The following UBA3 variants were observed in gnomAD, a reference collection of about 807,000 sequenced individuals.
UBA3 encodes the protein ubiquitin like modifier activating enzyme 3.
UBA3 carries 26 observed loss-of-function variants against 73.5 expected under a neutral mutation model. That is an observed-to-expected ratio of 0.35 (90% CI 0.26 to 0.49). The LOEUF (loss-of-function observed/expected upper bound fraction) is 0.49. Among genes scored for constraint, UBA3 ranks in the 20% least tolerant of loss-of-function variants. The pLI, the probability that UBA3 is intolerant of heterozygous loss-of-function variation, is 0.98. For missense variants in UBA3, 495 were observed against 555.6 expected (o/e 0.89, Z 1.10); for synonymous variants, 217 against 191.2 (o/e 1.13, Z -1.11).
Position 69,071,166 on chromosome 3 carries a change from A to G in UBA3, c.347+369T>C, listed in dbSNP as rs140942542. The G allele has an allele frequency of 1.7e-3, 273 of 161,578 alleles. 1 individual carries two copies. Among genetic ancestry groups the G allele is most frequent in the South Asian group, 3.4e-3 (20 of 5,922 alleles). 10.0% of individuals were successfully genotyped at this position (161,578 alleles called of 1,614,324 possible). A position where few individuals can be genotyped will look rare whatever the true frequency, so the allele number is the denominator to read the frequency against. ...AACCTTGGCTCACAAATCCCTGCCA[A>G]TCTCTCACTAGGGCCTAATACTCCA... On this transcript the variant is annotated intron_variant, in intron 5 of 17. Coordinates refer to ENST00000361055, the MANE Select transcript of UBA3 (RefSeq NM_003968.4).
chr3:69,065,976 A>G (rs1050659834), intron 6 of UBA3, among the ~76,000 whole-genome samples: 1 of 150,976 alleles, frequency 6.6e-6, no homozygotes, highest in African/African-American at 2.4e-5. Flanking sequence ...TTTACTGTTG[A>G]GTTTTTAGAG....
intron 11 of UBA3, among the ~76,000 whole-genome samples, chr3:69,058,158 C>A (rs1317474145): frequency 1.3e-5 from 2 of 152,100 alleles, no homozygotes; most frequent in South Asian, 4.1e-4. Flanking sequence ...TCTCGATATC[C>A]TGACCTTGTG....
At chr3:69,066,046 T>TAAA (rs2092068579) in intron 6 of UBA3, among the ~76,000 whole-genome samples, 1 of 152,200 alleles carries the variant, frequency 6.6e-6, no homozygotes, top group Admixed American at 6.5e-5. Context: ...TTTTCTCCAG[T>TAAA]CTGTGGCTTT....
chr3:69,079,468 G>A (rs1017982057), intron 2 of UBA3, among the ~76,000 whole-genome samples: 2 of 152,184 alleles, frequency 1.3e-5, no homozygotes, highest in African/African-American at 4.8e-5. Context: ...GGCAGGGAGG[G>A]GAGTAAATTA....
chr3:69,076,426 C>T (rs2092167122), intron 3 of UBA3: 1 of 152,262 alleles, frequency 6.6e-6, no homozygotes, highest in African/African-American at 2.4e-5. Context: ...ATCCCAGCTA[C>T]TTGGGAGGCT....
intron 6 of UBA3, among the ~76,000 whole-genome samples, chr3:69,065,914 T>A (rs2092067044): frequency 6.6e-6 from 1 of 152,174 alleles, no homozygotes; most frequent in Non-Finnish European, 1.5e-5. Context: ...TCCTTTTTAG[T>A]AAAATATCTC....
intron 6 of UBA3, 150 bp from the exon 7 acceptor site, chr3:69,064,261 G>A: frequency 1.6e-6 from 1 of 640,662 alleles, no homozygotes; most frequent in Non-Finnish European, 2.5e-6. Flanking sequence ...CTGACTAAAT[G>A]AACACAACTC....
In UBA3 at chr3:69,055,993, T is replaced by G; in HGVS notation, c.1248+7A>C. 1 of 1,603,686 alleles carries G rather than the reference T, an allele frequency of 6.2e-7. No individual in the cohort carries two copies. Among genetic ancestry groups the G allele is most frequent in the Non-Finnish European group, 8.5e-7 (1 of 1,176,584 alleles). On this transcript the variant is annotated splice_region_variant and intron_variant, in intron 16 of 17. Coordinates refer to ENST00000361055, the MANE Select transcript of UBA3 (RefSeq NM_003968.4). ...TCTGAAAAAAATTTAAAATACACAT[T>G]GATAACCTGTAAGTAAAGTGTTCTA...
At chr3:69,077,617 G>T in intron 3 of UBA3, 181 bp downstream of exon 3, 1 of 621,480 alleles carries the variant, frequency 1.6e-6, no homozygotes, top group Non-Finnish European at 2.5e-6. Context: ...GAAATGTTAA[G>T]ACTCAAATAT....
Position 69,062,099 on chromosome 3 carries a change from C to T in UBA3, c.774G>A (p.Trp258Ter). ...HCIEYVRMLQWPKEQPFGEGV... is the reference protein window; with the variant it reads ...HCIEYVRMLQ ...TACCTCCAAAAGGCTGCTCCTTAGG[C>T]CACTGCAACATCCTTACATACTCAA... Residue 258 changes from tryptophan to a stop codon, truncating the protein, a stop_gained, in exon 10 of 18, where the codon TGG (tryptophan) becomes TGA (stop). Transcript: ENST00000361055. LOFTEE classifies it high-confidence loss of function. The T allele has an allele frequency of 6.2e-7, 1 of 1,612,152 alleles. No individual in the cohort carries two copies. Among genetic ancestry groups the T allele is most frequent in the South Asian group, 1.1e-5 (1 of 90,798 alleles).
At chr3:69,070,615 C>T (rs144443395) in intron 5 of UBA3, among the ~76,000 whole-genome samples, 1 of 152,264 alleles carries the variant, frequency 6.6e-6, no homozygotes, top group Non-Finnish European at 1.5e-5. Context: ...TTCTTCATGT[C>T]TGGATACATG....
At chr3:69,057,218 A>T in intron 12 of UBA3, 38 bp downstream of exon 12, 1 of 1,598,064 alleles carries the variant, frequency 6.3e-7, no homozygotes, top group South Asian at 1.1e-5. Context: ...AAACTAAAGA[A>T]AGCAAAATAA....
intron 11 of UBA3, among the ~76,000 whole-genome samples, chr3:69,058,853 A>G (rs939396104): frequency 3.9e-5 from 6 of 152,188 alleles, no homozygotes; most frequent in African/African-American, 1.2e-4. Context: ...TTCACTTCCA[A>G]TTCTCCTTCT....
intron 11 of UBA3, 131 bp from the exon 12 acceptor site, chr3:69,057,440 T>G: frequency 1.3e-6 from 1 of 774,318 alleles, no homozygotes; most frequent in South Asian, 1.8e-5. Flanking sequence ...AGAAAATAAA[T>G]TTAACCATGA....
chr3:69,067,085 A>G (rs1248237837), intron 6 of UBA3, among the ~76,000 whole-genome samples: 1 of 152,168 alleles, frequency 6.6e-6, no homozygotes, highest in African/African-American at 2.4e-5. Flanking sequence ...AAAATTTTAG[A>G]AGATCGTCTA....
intron 11 of UBA3, among the ~76,000 whole-genome samples, chr3:69,058,017 G>T (rs958089241): frequency 7.1e-6 from 1 of 140,546 alleles, no homozygotes; most frequent in Non-Finnish European, 1.5e-5. Context: ...TGCAAGCTCC[G>T]CCTTCTGGGT....
chr3:69,064,201 TACA>T (rs1332872495), intron 6 of UBA3, 90 bp from the exon 7 acceptor site: 11 of 986,348 alleles, frequency 1.1e-5, no homozygotes, highest in East Asian at 5.7e-5. Flanking sequence ...TGCATATATT[TACA>T]ACAAGAAATA....
intron 11 of UBA3, 39 bp downstream of exon 11, chr3:69,061,775 C>A: frequency 2.9e-6 from 4 of 1,367,768 alleles, no homozygotes; most frequent in Non-Finnish European, 4.1e-6. Flanking sequence ...AGCCCTAAGT[C>A]ATCCCAACAT....
At position 69,055,531 on chromosome 3, in the gene UBA3, AC is replaced by A. The variant is rs1306305195; in HGVS notation, c.1304-7del. ...TCCATCAACAAGCCCCAATTCTAAA[AC>A]AGAAAAAATATTATTAATACAAGCA... On this transcript the variant is annotated splice_region_variant and splice_polypyrimidine_tract_variant and intron_variant, in intron 17 of 17. Transcript: ENST00000361055. The A allele has an allele frequency of 1.9e-6, 3 of 1,578,510 alleles. No individual in the cohort carries two copies. Among genetic ancestry groups the A allele is most frequent in the East Asian group, 4.6e-5 (2 of 43,624 alleles).
Sources: gnomAD v4.1 joint callset for allele counts (sites outside exome capture counted in the v4.1 genomes callset) on GRCh38, gnomAD v4.1.1 for gene constraint, MANE v1.5 for transcripts, NCBI Gene and HGNC (gene_info 2026-07-23, HGNC 2026-07-21) for gene names.